MCTP1: variants seen among roughly 807,000 people sequenced by gnomAD.
MCTP1 encodes multiple C2 and transmembrane domain-containing protein 1.
In MCTP1, 69 loss-of-function variants were observed where a neutral mutation model predicts 120.6. That is an observed-to-expected ratio of 0.57 (90% CI 0.47 to 0.70). The LOEUF (loss-of-function observed/expected upper bound fraction) is 0.70. Ranked by LOEUF, MCTP1 falls within the 30% of genes least tolerant of loss-of-function variation. The pLI is 0.00. For missense variants in MCTP1, 1,203 were observed against 1,248.8 expected (o/e 0.96, Z 0.55); for synonymous variants, 529 against 493.1 (o/e 1.07, Z -0.96).
chr5:94,905,566 GA>G (rs1323384573), intron 10 of MCTP1, among the ~76,000 whole-genome samples: 1 of 152,090 alleles, frequency 6.6e-6, no homozygotes, highest in Non-Finnish European at 1.5e-5. Context: ...ATGTTTTGAA[GA>G]AAAATTATCA....
chr5:95,069,856 G>A (rs1412931609), intron 1 of MCTP1, among the ~76,000 whole-genome samples: 7 of 151,874 alleles, frequency 4.6e-5, no homozygotes, highest in South Asian at 2.1e-4. Flanking sequence ...CCACTACCAC[G>A]CCCGGCTATT....
chr5:94,769,642 G>A (rs1429884007), intron 19 of MCTP1, among the ~76,000 whole-genome samples: 1 of 152,068 alleles, frequency 6.6e-6, no homozygotes, highest in Non-Finnish European at 1.5e-5. Flanking sequence ...TAAAATTGAA[G>A]GAATACCTCA....
chr5:95,017,448 C>A lies in MCTP1; in HGVS notation c.757G>T (p.Val253Phe), dbSNP rs1289810436. The change falls in exon 2 of 23, where the codon GTC becomes TTC. Residue 253 changes from valine (V) to phenylalanine (F), a missense_variant. Physicochemically the swap from Val to Phe is conservative, Grantham distance 50 (BLOSUM62 -1). Around this residue, in one of 2 missense-constraint regions of MCTP1, gnomAD observed 463 missense variants for 377.8 expected, o/e 1.23. Coordinates refer to ENST00000515393, the MANE Select transcript of MCTP1 (RefSeq NM_024717.7). ...TACATTCCGGGATCAGCCAAGGGGA[C>A]TTCTGCATTACTGGTTCCAGCAGTG... ...INTAGTSNAEVPLADPGMYQL... is the reference protein window; with the variant it reads ...INTAGTSNAEFPLADPGMYQL... 4 of 1,609,508 alleles carry A rather than the reference C, an allele frequency of 2.5e-6. No homozygotes were observed. The highest frequency in any genetic ancestry group is 1.1e-5 in the South Asian group (1 of 90,546).
At position 95,157,915 on chromosome 5, in the gene MCTP1, T is replaced by C. The variant is rs920329882; in HGVS notation, c.720+125941A>G. 7.2e-5 allele frequency among the ~76,000 whole-genome samples: 11 copies of C among 152,302 alleles called. No homozygotes were observed. In the South Asian group the frequency reaches 1.5e-3, roughly 20 times the overall value. ...TTGAGTTGTCATGACAGAAACAGCA[T>C]GGCCCGCAAAGCCTAAAATATTTAC... On this transcript the variant is annotated intron_variant, in intron 1 of 22. Coordinates refer to ENST00000515393, the MANE Select transcript of MCTP1 (RefSeq NM_024717.7).
At chr5:95,235,409 C>A (rs780680988) in intron 1 of MCTP1, among the ~76,000 whole-genome samples, 1 of 151,852 alleles carries the variant, frequency 6.6e-6, no homozygotes, top group Admixed American at 6.6e-5. Context: ...AAGAAAAGGA[C>A]GTGCATTCTT....
intron 17 of MCTP1, among the ~76,000 whole-genome samples, chr5:94,846,817 CTGTGTGTGTGTG>C (rs67319075): frequency 2.5e-4 from 37 of 147,248 alleles, no homozygotes; most frequent in African/African-American, 7.7e-4. Flanking sequence ...CTGTGTGTGT[CTGTGTGTGTGTG>C]TGTGTGTGTG....
intron 1 of MCTP1, among the ~76,000 whole-genome samples, chr5:95,214,955 G>A (rs1051641380): frequency 2.6e-5 from 4 of 151,950 alleles, no homozygotes; most frequent in Non-Finnish European, 5.9e-5. Context: ...CATGGCACAT[G>A]TATACATATG....
At chr5:94,833,049 G>A (rs933979077) in intron 17 of MCTP1, among the ~76,000 whole-genome samples, 4 of 152,070 alleles carry the variant, frequency 2.6e-5, no homozygotes, top group Non-Finnish European at 5.9e-5. Context: ...GTGCACCCTG[G>A]AGAGTTATAA....
intron 1 of MCTP1, among the ~76,000 whole-genome samples, chr5:95,044,111 C>A (rs902444281): frequency 6.6e-6 from 1 of 152,176 alleles, no homozygotes; most frequent in African/African-American, 2.4e-5. Context: ...ACAGGGAAAA[C>A]AACCCATCCA....
chr5:95,178,885 G>A (rs889077995), intron 1 of MCTP1, among the ~76,000 whole-genome samples: 19 of 152,132 alleles, frequency 1.2e-4, no homozygotes, highest in African/African-American at 4.3e-4. Flanking sequence ...AATCAAGGAG[G>A]CACTAGAGAA....
intron 12 of MCTP1, among the ~76,000 whole-genome samples, chr5:94,875,490 T>C (rs1230813839): frequency 6.6e-6 from 1 of 152,086 alleles, no homozygotes; most frequent in African/African-American, 2.4e-5. Flanking sequence ...GGGGAGGTTT[T>C]GAGGGATTTG....
At chr5:95,167,784 T>C (rs963091082) in intron 1 of MCTP1, among the ~76,000 whole-genome samples, 2 of 152,186 alleles carry the variant, frequency 1.3e-5, no homozygotes, top group Non-Finnish European at 2.9e-5. Context: ...TCTTTGTAGA[T>C]TCTGGATATT....
chr5:95,097,617 G>T (rs1458364593), intron 1 of MCTP1, among the ~76,000 whole-genome samples: 6 of 152,142 alleles, frequency 3.9e-5, no homozygotes, highest in Admixed American at 2.6e-4. Context: ...ATCATGGGAA[G>T]TTTCTCATCT....
chr5:95,065,303 G>C (rs928940320), intron 1 of MCTP1, among the ~76,000 whole-genome samples: 2 of 151,570 alleles, frequency 1.3e-5, no homozygotes, highest in African/African-American at 4.8e-5. Flanking sequence ...CATGAAGATT[G>C]CAAGAAAAGA....
intron 1 of MCTP1, among the ~76,000 whole-genome samples, chr5:95,053,791 G>A (rs957416769): frequency 1.3e-5 from 2 of 152,090 alleles, no homozygotes; most frequent in Non-Finnish European, 2.9e-5. Flanking sequence ...CAACTCAGAA[G>A]ACAGTCAAGA....
intron 1 of MCTP1, among the ~76,000 whole-genome samples, chr5:95,181,106 C>T (rs1412943141): frequency 6.6e-6 from 1 of 152,246 alleles, no homozygotes; most frequent in Non-Finnish European, 1.5e-5. Flanking sequence ...TATAGCTATT[C>T]CATAGTCAAC....
intron 17 of MCTP1, among the ~76,000 whole-genome samples, chr5:94,810,486 T>A (rs542757288): frequency 6.6e-6 from 1 of 152,244 alleles, no homozygotes; most frequent in African/African-American, 2.4e-5. Flanking sequence ...CTCCCTCTGT[T>A]CTCTATACTG....
chr5:95,100,276 TA>T lies in MCTP1; in HGVS notation c.721-82793del, dbSNP rs202036792. Among the ~76,000 whole-genome samples, 539 of 151,468 alleles carry T rather than the reference TA, an allele frequency of 3.6e-3. 4 individuals are homozygous for T. Among genetic ancestry groups the T allele is most frequent in the South Asian group, 5.7e-3 (27 of 4,776 alleles). On this transcript the variant is annotated intron_variant, in intron 1 of 22. Coordinates refer to ENST00000515393, the MANE Select transcript of MCTP1 (RefSeq NM_024717.7). ...TACCCTAAAACTTAAAGTATAATAATAAAAAAAAATTAAAAAAAAATATTTG... is the reference window on the plus strand; with the variant it reads ...TACCCTAAAACTTAAAGTATAATAATAAAAAAAATTAAAAAAAAATATTTG...
chr5:94,867,244 G>T, intron 17 of MCTP1: 2 of 1,461,460 alleles, frequency 1.4e-6, no homozygotes, highest in South Asian at 2.8e-5. Flanking sequence ...TAACGATAAT[G>T]ACAATTGCTT....
Sources: allele counts gnomAD v4.1 joint callset (sites outside exome capture counted in the v4.1 genomes callset), GRCh38; gene constraint gnomAD v4.1.1; regional missense constraint gnomAD v4.1.1; transcripts MANE v1.5; gene names NCBI Gene and HGNC (gene_info 2026-07-23, HGNC 2026-07-21).